ACYP2: variants seen among roughly 807,000 people sequenced by gnomAD.
ACYP2 encodes acylphosphatase-2.
ACYP2 carries 12 observed loss-of-function variants against 11.2 expected under a neutral mutation model. That is an observed-to-expected ratio of 1.08 (90% CI 0.69 to 1.74). ACYP2 has a LOEUF of 1.74. ACYP2 is among the 40% of genes most tolerant of loss of function. ACYP2 has a pLI of 0.00. For missense variants in ACYP2, 134 were observed against 101.9 expected, an observed-to-expected ratio of 1.31 and a Z score of -1.35; for synonymous variants, 43 against 32.2, an observed-to-expected ratio of 1.33 and a Z score of -1.13.
At chr2:54,040,071 A>G (rs1191087146) in intron 2 of ACYP2, among the ~76,000 whole-genome samples, 1 of 152,094 alleles carries the variant, frequency 6.6e-6, no homozygotes, top group Non-Finnish European at 1.5e-5. Flanking sequence ...GGAAGCTGGG[A>G]GACTAGTTTG....
intron 2 of ACYP2, among the ~76,000 whole-genome samples, chr2:53,993,800 G>C (rs1233382491): frequency 6.6e-6 from 1 of 152,198 alleles, no homozygotes; most frequent in Non-Finnish European, 1.5e-5. Context: ...GTAGAGGGTT[G>C]TGGAAAAGAC....
At chr2:54,014,353 C>G (rs1673562010) in intron 2 of ACYP2, among the ~76,000 whole-genome samples, 1 of 151,840 alleles carries the variant, frequency 6.6e-6, no homozygotes, top group Non-Finnish European at 1.5e-5. Flanking sequence ...GAGATGAAGT[C>G]TCACTTTGTC....
rs537304666 is a variant in ACYP2 at position 54,117,287 on chromosome 2, T to C, written c.278-18166T>C. Among the ~76,000 whole-genome samples, 7 of 152,162 alleles carry C rather than the reference T, an allele frequency of 4.6e-5. No individual in the cohort carries two copies. The South Asian group carries it at 1.5e-3, about 32-fold the overall frequency. On this transcript the variant is annotated intron_variant, in intron 4 of 6. Coordinates refer to ENST00000607452, the MANE Select transcript of ACYP2 (RefSeq NM_001320586.2). ...AAGGTAAATTTGTGTTAGAAGTTTA[T>C]TTTTTTAATTTTATTTTTTTAAGAG...
intron 6 of ACYP2, among the ~76,000 whole-genome samples, chr2:54,156,137 CAT>C (rs1424858397): frequency 1.3e-5 from 2 of 152,114 alleles, no homozygotes; most frequent in African/African-American, 4.8e-5. Flanking sequence ...GAAAATTCTA[CAT>C]ATGTCTGTTA....
In ACYP2 at chr2:53,975,819, G is replaced by A. The variant is rs142869460; in HGVS notation, c.62+2009G>A. On this transcript the variant is annotated intron_variant, in intron 2 of 6. Coordinates refer to ENST00000607452, the MANE Select transcript of ACYP2 (RefSeq NM_001320586.2). ...TGCACTCCAGCCTGGGTGACAGAGC[G>A]AGACTCTCAAACAAACAAACAAAAA... Among the ~76,000 whole-genome samples the A allele has an allele frequency of 1.2e-4, 18 of 152,158 alleles. 1 individual carries two copies. The East Asian group carries it at 3.5e-3, about 29-fold the overall frequency.
At chr2:54,098,695 TG>T (rs1303436319) in intron 4 of ACYP2, among the ~76,000 whole-genome samples, 1 of 151,732 alleles carries the variant, frequency 6.6e-6, no homozygotes, top group Non-Finnish European at 1.5e-5. Context: ...TCTGCTACTG[TG>T]CTGGTCCTCT....
At chr2:54,021,640 C>T (rs991524464) in intron 2 of ACYP2, among the ~76,000 whole-genome samples, 14 of 152,206 alleles carry the variant, frequency 9.2e-5, no homozygotes, top group African/African-American at 3.4e-4. Context: ...AATGTCCAAG[C>T]CACAGTAGCA....
chr2:54,158,092 C>T (rs1046461097), intron 6 of ACYP2, among the ~76,000 whole-genome samples: 1 of 151,910 alleles, frequency 6.6e-6, no homozygotes, highest in East Asian at 1.9e-4. Context: ...ATGACAGGAT[C>T]TCTGTTCGCT....
At chr2:54,084,334 G>A (rs750216271) in intron 4 of ACYP2, among the ~76,000 whole-genome samples, 1 of 151,794 alleles carries the variant, frequency 6.6e-6, no homozygotes, top group African/African-American at 2.4e-5. Context: ...TCACTCTGTC[G>A]TCCAGGCTGG....
chr2:54,047,575 A>G (rs1454474533), intron 2 of ACYP2, among the ~76,000 whole-genome samples: 13 of 152,194 alleles, frequency 8.5e-5, no homozygotes, highest in Non-Finnish European at 1.2e-4. Flanking sequence ...AATTGATTGT[A>G]TTGTATTAGA....
intron 4 of ACYP2, among the ~76,000 whole-genome samples, chr2:54,108,913 T>G (rs1003105983): frequency 1.3e-5 from 2 of 152,238 alleles, no homozygotes; most frequent in African/African-American, 4.8e-5. Context: ...TCTTTTGCAT[T>G]TTATATTATT....
In ACYP2 at chr2:54,297,269, G is replaced by A. The variant is rs143223471; in HGVS notation, c.405-7419G>A. On this transcript the variant is annotated intron_variant, in intron 6 of 6. Coordinates refer to ENST00000607452, the MANE Select transcript of ACYP2 (RefSeq NM_001320586.2). ...AACACTTTAGGAGGCCAAGGTGGGA[G>A]GATCACTTGAGCCCAGGAGTTTAAG... 7.4e-3 allele frequency among the ~76,000 whole-genome samples: 1,101 copies of A among 148,506 alleles called. 17 individuals carry two copies. Among genetic ancestry groups the A allele is most frequent in the African/African-American group, 0.027 (1,037 of 38,078 alleles).
rs903076280 is a variant in ACYP2 at position 54,023,423 on chromosome 2, G to A, written c.63-27535G>A. On this transcript the variant is annotated intron_variant, in intron 2 of 6. Coordinates refer to ENST00000607452, the MANE Select transcript of ACYP2 (RefSeq NM_001320586.2). ...TTTTGCCTCAGCCTCCTGAGTATCC[G>A]GGATGACAGCCTACCTGATTTTTAG... 4.6e-5 allele frequency among the ~76,000 whole-genome samples: 7 copies of A among 152,064 alleles called. No homozygotes were observed. In the East Asian group the frequency reaches 1.2e-3, roughly 25 times the overall value.
intron 6 of ACYP2, among the ~76,000 whole-genome samples, chr2:54,189,588 G>GT (rs35795352): frequency 2.0e-5 from 3 of 151,562 alleles, no homozygotes; most frequent in Admixed American, 6.6e-5. Flanking sequence ...GTATATCTGT[G>GT]TTTTTTTTCC....
Position 54,115,575 on chromosome 2 carries a change from C to A in ACYP2, c.278-19878C>A, listed in dbSNP as rs1393284360. ...ACGCGTGACCCCGGCGCGCTAGCGT[C>A]CGGGACCGGTGACAGGCGCGGGGTG... On this transcript the variant is annotated intron_variant, in intron 4 of 6. Coordinates refer to ENST00000607452, the MANE Select transcript of ACYP2 (RefSeq NM_001320586.2). The A allele has an allele frequency of 3.2e-6, 5 of 1,538,714 alleles. No homozygotes were observed. The African/African-American group carries it at 7.0e-5, about 21-fold the overall frequency.
intron 6 of ACYP2, among the ~76,000 whole-genome samples, chr2:54,190,499 T>C (rs1684196262): frequency 6.6e-6 from 1 of 152,094 alleles, no homozygotes; most frequent in African/African-American, 2.4e-5. Flanking sequence ...TGGCCAATTA[T>C]CTGTCTTCGT....
chr2:54,143,864 C>A (rs1217999266), intron 6 of ACYP2, among the ~76,000 whole-genome samples: 2 of 149,530 alleles, frequency 1.3e-5, no homozygotes, highest in Non-Finnish European at 3.0e-5. Context: ...ACTAAAATAT[C>A]AGAATTACTG....
At chr2:54,133,091 C>A (rs11884229) in intron 4 of ACYP2, among the ~76,000 whole-genome samples, 39,230 of 152,024 alleles carry the variant, frequency 0.26, 5,187 homozygotes, top group African/African-American at 0.33. Flanking sequence ...CTCACCACAA[C>A]TGAGATATAG....
chr2:54,062,235 T>C (rs375424496), intron 4 of ACYP2, among the ~76,000 whole-genome samples: 2 of 152,258 alleles, frequency 1.3e-5, no homozygotes, highest in East Asian at 1.9e-4. Flanking sequence ...GGGGTAGAGC[T>C]TGGGCTTGAA....
Sources: allele counts gnomAD v4.1 joint callset (sites outside exome capture counted in the v4.1 genomes callset), GRCh38; gene constraint gnomAD v4.1.1; transcripts MANE v1.5; gene names NCBI Gene and HGNC (gene_info 2026-07-23, HGNC 2026-07-21).